VPS16: variants seen among roughly 807,000 people sequenced by gnomAD.
VPS16 encodes vacuolar protein sorting-associated protein 16 homolog.
Under a neutral mutation model 116.0 loss-of-function variants are expected in VPS16, and 82 were observed. The observed-to-expected ratio is 0.71, with a 90% CI of 0.59 to 0.85. The LOEUF is 0.85. VPS16 is among the 40% of genes least tolerant of loss of function. The pLI, the probability that VPS16 is intolerant of heterozygous loss-of-function variation, is 0.00. For missense variants in VPS16, 928 were observed against 1,090.6 expected, an observed-to-expected ratio of 0.85 and a Z score of 2.10; for synonymous variants, 406 against 420.7, an observed-to-expected ratio of 0.96 and a Z score of 0.43.
intron 1 of VPS16, among the ~76,000 whole-genome samples, chr20:2,850,167 C>G (rs2089103401): frequency 6.6e-6 from 1 of 151,986 alleles, no homozygotes; most frequent in Non-Finnish European, 1.5e-5. Flanking sequence ...AATAAAAATA[C>G]AAAAAATTAG....
intron 1 of VPS16, among the ~76,000 whole-genome samples, chr20:2,847,961 C>G (rs1053479770): frequency 3.9e-5 from 6 of 152,158 alleles, no homozygotes; most frequent in Non-Finnish European, 8.8e-5. Flanking sequence ...CAGCCACAGT[C>G]AGCTGCTTCG....
At chr20:2,844,917 G>A (rs1383320820) in intron 1 of VPS16, among the ~76,000 whole-genome samples, 1 of 152,054 alleles carries the variant, frequency 6.6e-6, no homozygotes. Flanking sequence ...ACACGCTGCA[G>A]GGACGTGTAG....
chr20:2,859,114 A>G (rs1250219476), intron 1 of VPS16, among the ~76,000 whole-genome samples: 1 of 152,110 alleles, frequency 6.6e-6, no homozygotes, highest in Non-Finnish European at 1.5e-5. Flanking sequence ...CCTGGGCAAC[A>G]TGGGGAGACT....
At chr20:2,850,819 A>G (rs962644786) in intron 1 of VPS16, among the ~76,000 whole-genome samples, 1 of 151,444 alleles carries the variant, frequency 6.6e-6, no homozygotes, top group Non-Finnish European at 1.5e-5. Flanking sequence ...AAAAAACAAA[A>G]AAAACAGCTG....
chr20:2,841,840 G>A lies in VPS16; in HGVS notation c.53+1013G>A, dbSNP rs544009943. ...GGGCACTCGGCTCACTGCAACCTCC[G>A]CCTCCCGGGTTCAAGGGATTCTCCT... On this transcript the variant is annotated intron_variant, in intron 1 of 23. Coordinates refer to ENST00000380445, the MANE Select transcript of VPS16 (RefSeq NM_022575.4). Among the ~76,000 whole-genome samples the A allele has an allele frequency of 2.7e-5, 4 of 150,908 alleles. No individual in the cohort carries two copies. In the South Asian group the frequency reaches 6.3e-4, roughly 24 times the overall value.
rs960762593 is a variant in VPS16, at chr20:2,864,121, G to T, written c.1611+38G>T. The stretch of plus-strand genomic sequence containing the variant: ...AGCCCTCCACAGACACTCTGATGTG[G>T]TTGTTCAGGGCCCCCATGCCAGCTC... On this transcript the variant is annotated intron_variant, in intron 16 of 23. Transcript: ENST00000380445. The surrounding 1 kb of genome is among the most constrained non-coding windows in gnomAD (Gnocchi z 5.2). The T allele has an allele frequency of 6.2e-7, 1 of 1,613,638 alleles. No homozygotes were observed.
At chr20:2,856,035 C>G (rs1440796499) in intron 1 of VPS16, among the ~76,000 whole-genome samples, 1 of 152,204 alleles carries the variant, frequency 6.6e-6, no homozygotes, top group Non-Finnish European at 1.5e-5. Flanking sequence ...TAGCTTTTGT[C>G]CTGTCTTGGC....
intron 1 of VPS16, among the ~76,000 whole-genome samples, chr20:2,856,446 T>C (rs927605535): frequency 1.3e-5 from 2 of 152,108 alleles, no homozygotes; most frequent in African/African-American, 4.8e-5. Flanking sequence ...GTTGGAAAAA[T>C]GACGCTGATA....
chr20:2,851,584 C>T (rs534680605), intron 1 of VPS16, among the ~76,000 whole-genome samples: 201 of 151,646 alleles, frequency 1.3e-3, no homozygotes, highest in African/African-American at 4.5e-3. Flanking sequence ...ATTGCTGGAA[C>T]CTGGGAGGCA....
At position 2,860,607 on chromosome 20, in the gene VPS16, C is replaced by G; in HGVS notation, c.514+14C>G. 6.2e-7 allele frequency: 1 copy of G among 1,613,316 alleles called. No homozygotes were observed. Among genetic ancestry groups the G allele is most frequent in the Non-Finnish European group, 8.5e-7 (1 of 1,179,850 alleles). ...CAGAGGTGCCAGGTAAGCCCTGACA[C>G]CGCTGAGATAGCCAAGCAGTACCCA... On this transcript the variant is annotated intron_variant, in intron 5 of 23. Transcript: ENST00000380445. This position sits in a 1 kb window ranked among gnomAD's most constrained non-coding sequence, Gnocchi z 6.1.
In VPS16 at chr20:2,864,132, C is replaced by T. The variant is rs1197419385; in HGVS notation, c.1612-47C>T. Reference sequence around the variant, plus strand: ...GACACTCTGATGTGGTTGTTCAGGGCCCCCATGCCAGCTCCTTCTCTCTGT... The same window carrying T: ...GACACTCTGATGTGGTTGTTCAGGGTCCCCATGCCAGCTCCTTCTCTCTGT... On this transcript the variant is annotated intron_variant, in intron 16 of 23. Transcript: ENST00000380445. This position sits in a 1 kb window ranked among gnomAD's most constrained non-coding sequence, Gnocchi z 5.2. 5.0e-6 allele frequency: 8 copies of T among 1,613,558 alleles called. No homozygotes were observed. Among genetic ancestry groups the T allele is most frequent in the South Asian group, 3.3e-5 (3 of 91,058 alleles).
Position 2,860,948 on chromosome 20 carries a change from C to G in VPS16, c.631-22C>G. 2 of 1,614,094 alleles carry G rather than the reference C, an allele frequency of 1.2e-6. No homozygotes were observed. Among genetic ancestry groups the G allele is most frequent in the South Asian group, 1.1e-5 (1 of 91,082 alleles). ...AAAAGTCAGTATGTATCTGTCCCAC[C>G]CCTACCCTGGCTCTGCCTCAGACGC... On this transcript the variant is annotated intron_variant, in intron 6 of 23. Coordinates refer to ENST00000380445, the MANE Select transcript of VPS16 (RefSeq NM_022575.4). The surrounding 1 kb of genome is among the most constrained non-coding windows in gnomAD (Gnocchi z 6.1).
At chr20:2,862,759 G>GGGGC in intron 12 of VPS16, 48 bp from the exon 13 acceptor site, 3 of 777,202 alleles carry the variant, frequency 3.9e-6, no homozygotes, top group South Asian at 1.3e-5. Context: ...GAGGGGGTGG[G>GGGGC]ATGGGCAGCA....
chr20:2,864,095 C>A lies in VPS16; in HGVS notation c.1611+12C>A, dbSNP rs762788657. 6.2e-7 allele frequency: 1 copy of A among 1,613,590 alleles called. No individual in the cohort carries two copies. The highest frequency in any genetic ancestry group is 1.1e-5 in the South Asian group (1 of 91,078). On this transcript the variant is annotated intron_variant, in intron 16 of 23. Transcript: ENST00000380445. This position sits in a 1 kb window ranked among gnomAD's most constrained non-coding sequence, Gnocchi z 5.2. ...AGCTGGCCATCAAGGTGTGGGTGCC[C>A]AGCCCTCCACAGACACTCTGATGTG...
intron 11 of VPS16, 51 bp downstream of exon 11, chr20:2,862,181 G>T (rs544647045): frequency 1.3e-6 from 2 of 1,579,302 alleles, no homozygotes; most frequent in South Asian, 2.3e-5. Context: ...TCCTGCCCCT[G>T]CGTGGGCATG....
At chr20:2,842,243 AGGGACC>A (rs1378979021) in intron 1 of VPS16, among the ~76,000 whole-genome samples, 1 of 152,116 alleles carries the variant, frequency 6.6e-6, no homozygotes, top group Non-Finnish European at 1.5e-5. Context: ...TTGAGGGTGT[AGGGACC>A]GATGTTAGAA....
Position 2,860,571 on chromosome 20 carries a change from C to T in VPS16, c.492C>T (p.Leu164=), listed in dbSNP as rs1430611550. The part of the protein sequence containing the change: ...TLSANVGDLK[L]RRMPEVPGLQ... ...GTGCCAATGTGGGTGACCTCAAACT[C>T]CGCCGGATGCCAGAGGTGCCAGGTA... is the stretch of plus-strand genomic sequence containing the variant. The change falls in exon 5 of 24, where the codon CTC becomes CTT. Residue 164 remains leucine, a synonymous_variant. Transcript: ENST00000380445. The surrounding 1 kb of genome is among the most constrained non-coding windows in gnomAD (Gnocchi z 6.1). The T allele has an allele frequency of 6.2e-7, 1 of 1,613,856 alleles. No homozygotes were observed. The highest frequency in any genetic ancestry group is 8.5e-7 in the Non-Finnish European group (1 of 1,180,022).
In VPS16 at chr20:2,863,300, C is replaced by T. The variant is rs536654128; in HGVS notation, c.1378C>T (p.Arg460Trp). 33 of 1,614,152 alleles carry T rather than the reference C, an allele frequency of 2.0e-5. No individual in the cohort carries two copies. The highest frequency in any genetic ancestry group is 1.1e-4 in the South Asian group (10 of 91,084). Reference sequence around the variant, plus strand: ...CACCGGGTCTACCAGGCTCGTGTTGCGGAGACTTTACCCCCTGGCCATCCA... The same window carrying T: ...CACCGGGTCTACCAGGCTCGTGTTGTGGAGACTTTACCCCCTGGCCATCCA... Reference protein sequence around the residue: ...IQVLLDRLVLRRLYPLAIQIC... With the variant: ...IQVLLDRLVLWRLYPLAIQIC... The change falls in exon 15 of 24, where the codon CGG (arginine) becomes TGG (tryptophan). Residue 460 changes from arginine to tryptophan, a missense_variant. Arg to Trp is a moderately radical substitution (Grantham distance 101). Coordinates refer to ENST00000380445, the MANE Select transcript of VPS16 (RefSeq NM_022575.4). The surrounding 1 kb of genome is among the most constrained non-coding windows in gnomAD (Gnocchi z 4.4).
chr20:2,850,710 G>A lies in VPS16; in HGVS notation c.54-9009G>A, dbSNP rs2089109599. On this transcript the variant is annotated intron_variant, in intron 1 of 23. Transcript: ENST00000380445. ...TGGTTGGACATGGTAGCTCACGCCT[G>A]TAATCCCAATACTTTGGGAGGCCGT... Among the ~76,000 whole-genome samples the A allele has an allele frequency of 3.3e-5, 5 of 152,074 alleles. No individual in the cohort carries two copies. The South Asian group carries it at 8.3e-4, about 25-fold the overall frequency.
Sources: gnomAD v4.1 joint callset for allele counts (sites outside exome capture counted in the v4.1 genomes callset) on GRCh38, gnomAD v4.1.1 for gene constraint, Gnocchi (gnomAD v3.1) non-coding constraint, MANE v1.5 for transcripts, NCBI Gene and HGNC (gene_info 2026-07-23, HGNC 2026-07-21) for gene names.